The following UBAC2 variants were observed in gnomAD, a reference collection of about 807,000 sequenced individuals.
The protein encoded by UBAC2 is UBA domain containing 2, also known as ubiquitin-associated domain-containing protein 2.
A neutral mutation model predicts 44.0 loss-of-function variants in UBAC2; 26 were observed. The observed-to-expected ratio is 0.59, with a 90% CI of 0.43 to 0.82. UBAC2 has a LOEUF of 0.82. Among genes scored for constraint, UBAC2 ranks in the 40% least tolerant of loss-of-function variants. The probability of loss-of-function intolerance (pLI) is 0.00; values close to 1 mark genes in which losing one functional copy is unlikely to be tolerated. For missense variants in UBAC2, 329 were observed against 419.4 expected (o/e 0.78, Z 1.88); for synonymous variants, 155 against 154.3 (o/e 1.00, Z -0.04).
At chr13:99,270,161 C>T (rs1229832957) in intron 4 of UBAC2, among the ~76,000 whole-genome samples, 1 of 152,078 alleles carries the variant, frequency 6.6e-6, no homozygotes, top group Non-Finnish European at 1.5e-5. Context: ...AGCACAGTTC[C>T]AAATTTTAAC....
intron 1 of UBAC2, among the ~76,000 whole-genome samples, chr13:99,207,436 C>G (rs956810047): frequency 4.6e-5 from 7 of 152,166 alleles, no homozygotes; most frequent in Non-Finnish European, 1.0e-4. Flanking sequence ...AACTGCTGAC[C>G]ACCTTCTTTC....
chr13:99,371,097 A>C (rs2045400043), intron 8 of UBAC2, among the ~76,000 whole-genome samples: 1 of 152,182 alleles, frequency 6.6e-6, no homozygotes, highest in Non-Finnish European at 1.5e-5. Context: ...CTTCAGGAAA[A>C]AAAAAGTGTC....
At chr13:99,332,052 A>T (rs1311043093) in intron 6 of UBAC2, among the ~76,000 whole-genome samples, 6 of 152,112 alleles carry the variant, frequency 3.9e-5, no homozygotes, top group Non-Finnish European at 1.5e-5. Flanking sequence ...TGCAGAGGCA[A>T]TATCATGCCC....
In UBAC2 at chr13:99,274,969, C is replaced by G. The variant is rs192381527; in HGVS notation, c.389+30345C>G. Among the ~76,000 whole-genome samples, 501 of 152,274 alleles carry G rather than the reference C, an allele frequency of 3.3e-3. 4 individuals are homozygous for G. The highest frequency in any genetic ancestry group is 0.011 in the African/African-American group (472 of 41,552). Reference sequence around the variant, plus strand: ...CTGTGCTCAAGCAGTCCTCCCACCTCCACCTCCCAAAGTGCTGGGATTATA... The same window carrying G: ...CTGTGCTCAAGCAGTCCTCCCACCTGCACCTCCCAAAGTGCTGGGATTATA... On this transcript the variant is annotated intron_variant, in intron 4 of 8. Transcript: ENST00000403766.
chr13:99,238,406 T>G (rs2043263809), intron 1 of UBAC2, 21 bp from the exon 2 acceptor site: 5 of 1,610,052 alleles, frequency 3.1e-6, no homozygotes, highest in Non-Finnish European at 4.2e-6. Context: ...ATTCTGAAAG[T>G]GCTTTCCTTT....
chr13:99,210,594 C>T (rs868468240), intron 1 of UBAC2, among the ~76,000 whole-genome samples: 3 of 151,346 alleles, frequency 2.0e-5, no homozygotes, highest in African/African-American at 7.3e-5. Context: ...TCTTCTGCCT[C>T]AGCCTCCTGA....
At chr13:99,209,594 C>T (rs528650789) in intron 1 of UBAC2, among the ~76,000 whole-genome samples, 111 of 152,104 alleles carry the variant, frequency 7.3e-4, no homozygotes, top group African/African-American at 2.6e-3. Context: ...CTGAACAGCT[C>T]GTTTACTCTT....
At chr13:99,336,516 G>A (rs577228038) in intron 6 of UBAC2, among the ~76,000 whole-genome samples, 175 of 152,200 alleles carry the variant, frequency 1.1e-3, no homozygotes, top group African/African-American at 3.8e-3. Context: ...GTCAGGAAGG[G>A]GCCCTGTTCT....
At chr13:99,233,576 A>C (rs538384727) in intron 1 of UBAC2, among the ~76,000 whole-genome samples, 111 of 152,334 alleles carry the variant, frequency 7.3e-4, no homozygotes, top group African/African-American at 2.5e-3. Flanking sequence ...GAAAGGCCGC[A>C]GGAGCTGGTC....
intron 6 of UBAC2, among the ~76,000 whole-genome samples, chr13:99,336,318 T>C (rs374595745): frequency 6.6e-6 from 1 of 152,234 alleles, no homozygotes; most frequent in Non-Finnish European, 1.5e-5. Context: ...TTTGGCATAC[T>C]ACAGCTTTTA....
rs377595958 is a variant in UBAC2, at chr13:99,201,341, A to G, written c.31+402A>G. Reference sequence around the variant, plus strand: ...CATTCTTTTAGGCTTGGGGGACCGAACTAACTCCCCCCGCCCCCACTTGCA... The same window carrying G: ...CATTCTTTTAGGCTTGGGGGACCGAGCTAACTCCCCCCGCCCCCACTTGCA... On this transcript the variant is annotated intron_variant, in intron 1 of 8. Coordinates refer to ENST00000403766, the MANE Select transcript of UBAC2 (RefSeq NM_001144072.2). The G allele has an allele frequency of 8.4e-6, 13 of 1,539,706 alleles. No individual in the cohort carries two copies. The African/African-American group carries it at 1.6e-4, about 19-fold the overall frequency.
chr13:99,385,688 A>AT lies in UBAC2; in HGVS notation c.*354dup. 4.2e-6 allele frequency: 1 copy of AT among 237,996 alleles called. No homozygotes were observed. Among genetic ancestry groups the AT allele is most frequent in the South Asian group, 8.1e-5 (1 of 12,404 alleles). The allele number at this position is 237,996 out of a possible 1,614,324, so 14.7% of individuals were successfully genotyped here. A position where few individuals can be genotyped will look rare whatever the true frequency, so the allele number is the denominator to read the frequency against. ...ATTGCTGTAACCCTCTTACTGTAAC[A>AT]TGTCATCTCCTGCGTCGTGATGGGG... On this transcript the variant is annotated 3_prime_UTR_variant, in exon 9 of 9. Transcript: ENST00000403766.
chr13:99,252,091 T>C (rs1269339281), intron 4 of UBAC2, among the ~76,000 whole-genome samples: 1 of 152,258 alleles, frequency 6.6e-6, no homozygotes, highest in Non-Finnish European at 1.5e-5. Flanking sequence ...CCTCCTCATC[T>C]GACCACCAGC....
chr13:99,236,442 C>T (rs2043233566), intron 1 of UBAC2, among the ~76,000 whole-genome samples: 1 of 152,132 alleles, frequency 6.6e-6, no homozygotes, highest in African/African-American at 2.4e-5. Flanking sequence ...ATACAAATGG[C>T]CAACAGGCAT....
chr13:99,218,780 ACCTTTTGAT>A (rs1177927169), intron 1 of UBAC2, among the ~76,000 whole-genome samples: 6 of 152,190 alleles, frequency 3.9e-5, no homozygotes, highest in African/African-American at 1.4e-4. Context: ...TAAACCTGGA[ACCTTTTGAT>A]CCCTGGACAG....
rs577390332 is a variant in UBAC2 at position 99,375,188 on chromosome 13, C to T, written c.927+7282C>T. Among the ~76,000 whole-genome samples, 13 of 152,288 alleles carry T rather than the reference C, an allele frequency of 8.5e-5. 1 individual carries two copies. The highest frequency in any genetic ancestry group is 5.9e-4 in the Admixed American group (9 of 15,300). On this transcript the variant is annotated intron_variant, in intron 8 of 8. Transcript: ENST00000403766. ...AGACCTGCTCCATACAAGACCCTGA[C>T]GAGGCTCTAGACACAGTTGGTCTCA...
At chr13:99,233,348 T>C (rs2043197510) in intron 1 of UBAC2, among the ~76,000 whole-genome samples, 1 of 152,138 alleles carries the variant, frequency 6.6e-6, no homozygotes, top group Non-Finnish European at 1.5e-5. Context: ...CCTGACCTCA[T>C]GATCTGCTCT....
At chr13:99,340,219 A>C in intron 6 of UBAC2, 101 bp from the exon 7 acceptor site, 1 of 1,343,434 alleles carries the variant, frequency 7.4e-7, no homozygotes, top group Non-Finnish European at 1.0e-6. Context: ...GACTAAGAAA[A>C]ATACCGTGTG....
intron 7 of UBAC2, 104 bp from the exon 8 acceptor site, chr13:99,367,683 C>A (rs1363614763): frequency 1.4e-6 from 2 of 1,472,430 alleles, no homozygotes; most frequent in Non-Finnish European, 1.9e-6. Flanking sequence ...ATGATACTTC[C>A]TTCCCAGTCT....
Sources: allele counts gnomAD v4.1 joint callset (sites outside exome capture counted in the v4.1 genomes callset), GRCh38; gene constraint gnomAD v4.1.1; transcripts MANE v1.5; gene names NCBI Gene and HGNC (gene_info 2026-07-23, HGNC 2026-07-21).